Variants in TMTC2 observed in about 807,000 individuals in gnomAD.
The protein encoded by TMTC2 is protein O-mannosyl-transferase TMTC2.
A neutral mutation model predicts 82.4 loss-of-function variants in TMTC2; 43 were observed. The observed-to-expected ratio is 0.52, with a 90% CI of 0.41 to 0.67. The LOEUF (loss-of-function observed/expected upper bound fraction) is 0.67, where lower values mean the gene tolerates loss of function less well. Ranked by LOEUF, TMTC2 falls within the 30% of genes least tolerant of loss-of-function variation. The pLI, the probability that TMTC2 is intolerant of heterozygous loss-of-function variation, is 0.00. For synonymous variants in TMTC2, 408 were observed against 381.9 expected, an observed-to-expected ratio of 1.07 and a Z score of -0.80; for missense variants, 919 against 1,012.4, an observed-to-expected ratio of 0.91 and a Z score of 1.25.
intron 1 of TMTC2, among the ~76,000 whole-genome samples, chr12:82,767,092 C>T (rs531787130): frequency 1.3e-5 from 2 of 152,244 alleles, no homozygotes; most frequent in Non-Finnish European, 2.9e-5. Context: ...CATGTGAGGG[C>T]TCCTTCATAC....
rs1565814655 is a variant in TMTC2 at position 82,930,494 on chromosome 12, A to G, written c.1547A>G (p.Tyr516Cys). ...QSKISEAESA[Y>C]RNALYYRSNM... The stretch of plus-strand genomic sequence containing the variant: ...AAAATTTCTGAAGCTGAAAGCGCCT[A>G]TAGAAATGCTTTGTACTACCGCAGC... Residue 516 changes from tyrosine (Y) to cysteine (C), a missense_variant, in exon 4 of 12, where the codon TAT becomes TGT. Physicochemically the swap from Tyr to Cys is radical, Grantham distance 194. Coordinates refer to ENST00000321196, the MANE Select transcript of TMTC2 (RefSeq NM_152588.3). 6.2e-6 allele frequency: 10 copies of G among 1,605,396 alleles called. No individual in the cohort carries two copies. The highest frequency in any genetic ancestry group is 1.3e-5 in the African/African-American group (1 of 74,982).
intron 1 of TMTC2, among the ~76,000 whole-genome samples, chr12:82,734,016 A>G (rs1874962844): frequency 6.6e-6 from 1 of 152,206 alleles, no homozygotes; most frequent in African/African-American, 2.4e-5. Flanking sequence ...AAGAACTAGT[A>G]TGTGAATTCA....
At chr12:82,744,284 C>T (rs528190307) in intron 1 of TMTC2, among the ~76,000 whole-genome samples, 14 of 152,172 alleles carry the variant, frequency 9.2e-5, no homozygotes, top group East Asian at 1.9e-4. Context: ...ATTAGCTGGG[C>T]GTAGTGGCAC....
intron 7 of TMTC2, among the ~76,000 whole-genome samples, chr12:82,982,252 C>G (rs1592673268): frequency 6.6e-6 from 1 of 151,944 alleles, no homozygotes; most frequent in East Asian, 1.9e-4. Context: ...AGTCACCAAT[C>G]ATTCCTGAGC....
intron 3 of TMTC2, among the ~76,000 whole-genome samples, chr12:82,928,230 T>C (rs1393406073): frequency 1.3e-5 from 2 of 152,176 alleles, no homozygotes; most frequent in African/African-American, 2.4e-5. Flanking sequence ...TTCCTGGTGC[T>C]TAAATTAACA....
intron 3 of TMTC2, among the ~76,000 whole-genome samples, chr12:82,915,525 C>T (rs547722772): frequency 6.6e-6 from 1 of 152,258 alleles, no homozygotes; most frequent in South Asian, 2.1e-4. Context: ...AAACTAACCT[C>T]GGGCCTCGGG....
intron 1 of TMTC2, among the ~76,000 whole-genome samples, chr12:82,739,755 T>C (rs1350529483): frequency 6.7e-6 from 1 of 148,892 alleles, no homozygotes; most frequent in Non-Finnish European, 1.5e-5. Flanking sequence ...AAGGCAAGCG[T>C]CCAAGTTTAT....
chr12:82,771,185 C>T (rs546823665), intron 1 of TMTC2, among the ~76,000 whole-genome samples: 17 of 140,700 alleles, frequency 1.2e-4, no homozygotes, highest in South Asian at 4.5e-4. Flanking sequence ...TCAGCCTGGG[C>T]GACAGAGCAA....
At chr12:83,040,679 C>CTTTTTTTTTTTTTTTTTTTT (rs750327519) in intron 9 of TMTC2, among the ~76,000 whole-genome samples, 2 of 124,204 alleles carry the variant, frequency 1.6e-5, no homozygotes, top group Non-Finnish European at 1.6e-5. Flanking sequence ...CTGTCCTTTT[C>CTTTTTTTTTTTTTTTTTTTT]TTTTTTTTTT....
chr12:83,104,343 G>A (rs778363820), intron 11 of TMTC2, among the ~76,000 whole-genome samples: 75 of 152,314 alleles, frequency 4.9e-4, no homozygotes, highest in East Asian at 3.9e-4. Context: ...CCCTTGGCAC[G>A]TCTCTAGTAG....
At chr12:83,013,722 G>A (rs1283426505) in intron 8 of TMTC2, among the ~76,000 whole-genome samples, 2 of 152,140 alleles carry the variant, frequency 1.3e-5, no homozygotes, top group Non-Finnish European at 2.9e-5. Flanking sequence ...GAAATAGCAG[G>A]TATTTGTATA....
At chr12:82,803,479 T>C (rs1047359046) in intron 1 of TMTC2, among the ~76,000 whole-genome samples, 3 of 152,092 alleles carry the variant, frequency 2.0e-5, no homozygotes, top group African/African-American at 7.2e-5. Flanking sequence ...ATAATTGATC[T>C]CAGGTGCCAG....
chr12:82,827,395 T>C (rs991592362), intron 1 of TMTC2, among the ~76,000 whole-genome samples: 2 of 152,078 alleles, frequency 1.3e-5, no homozygotes, highest in East Asian at 3.9e-4. Flanking sequence ...TTCATGCAAT[T>C]AGTAGGGGCC....
intron 8 of TMTC2, among the ~76,000 whole-genome samples, chr12:83,017,548 A>C (rs184842338): frequency 1.3e-5 from 2 of 152,164 alleles, no homozygotes; most frequent in Non-Finnish European, 2.9e-5. Context: ...AATTTCATTC[A>C]TTAGTACAGA....
intron 1 of TMTC2, among the ~76,000 whole-genome samples, chr12:82,694,828 G>A (rs2136888648): frequency 6.6e-6 from 1 of 151,804 alleles, no homozygotes; most frequent in South Asian, 2.1e-4. Flanking sequence ...ATCATAATTT[G>A]TTTAATTAGG....
Position 82,965,705 on chromosome 12 carries a change from C to T in TMTC2, c.1830C>T (p.Tyr610=). ...AHKSSVTSCL[Y]NLGKLYHEQG... is the part of the protein sequence containing the mutation. ...AGAGCTCTGTTACCAGTTGTTTGTA[C>T]AACCTAGGAAAGCTGTATCATGAGC... The change falls in exon 6 of 12, where the codon TAC becomes TAT. Residue 610 remains tyrosine, a synonymous_variant. Transcript: ENST00000321196. The T allele has an allele frequency of 6.2e-7, 1 of 1,613,842 alleles. No homozygotes were observed. The highest frequency in any genetic ancestry group is 8.5e-7 in the Non-Finnish European group (1 of 1,179,820).
rs777322174 is a variant in TMTC2 at position 83,061,844 on chromosome 12, C to CT, written c.2331+14dup. 1.9e-6 allele frequency: 3 copies of CT among 1,569,780 alleles called. No homozygotes were observed. In the South Asian group the frequency reaches 3.7e-5, roughly 19 times the overall value. On this transcript the variant is annotated intron_variant, in intron 11 of 11. Coordinates refer to ENST00000321196, the MANE Select transcript of TMTC2 (RefSeq NM_152588.3). ...GCTGAGGCCTAATGTAAGTACTTCC[C>CT]TAATGAGAAACATTTTCAGAGGGAT...
intron 1 of TMTC2, among the ~76,000 whole-genome samples, chr12:82,716,422 G>A (rs1410052595): frequency 6.7e-6 from 1 of 148,426 alleles, no homozygotes; most frequent in African/African-American, 2.5e-5. Flanking sequence ...GGAGTGCAGT[G>A]GCGCGATCTC....
intron 1 of TMTC2, among the ~76,000 whole-genome samples, chr12:82,745,806 T>C (rs766470306): frequency 6.6e-6 from 1 of 152,242 alleles, no homozygotes; most frequent in Non-Finnish European, 1.5e-5. Flanking sequence ...TTGGTATTAA[T>C]GTGGTGACTT....
Sources: gnomAD v4.1 joint callset for allele counts (sites outside exome capture counted in the v4.1 genomes callset) on GRCh38, gnomAD v4.1.1 for gene constraint, MANE v1.5 for transcripts, NCBI Gene and HGNC (gene_info 2026-07-23, HGNC 2026-07-21) for gene names.